Variants in LDLRAD3 observed in about 807,000 individuals in gnomAD.
The protein encoded by LDLRAD3 is low density lipoprotein receptor class A domain containing 3, also known as low-density lipoprotein receptor class A domain-containing protein 3.
In LDLRAD3, 20 loss-of-function variants were observed where a neutral mutation model predicts 29.4. The observed-to-expected ratio is 0.68, with a 90% CI of 0.48 to 0.99. The LOEUF (loss-of-function observed/expected upper bound fraction) is 0.99. Ranked by LOEUF, LDLRAD3 falls within the 50% of genes least tolerant of loss-of-function variation. The probability of loss-of-function intolerance (pLI) is 0.00; values close to 1 mark genes in which losing one functional copy is unlikely to be tolerated. For missense variants in LDLRAD3, 420 were observed against 454.3 expected, an observed-to-expected ratio of 0.92 and a Z score of 0.69; for synonymous variants, 157 against 192.7, an observed-to-expected ratio of 0.81 and a Z score of 1.53.
intron 4 of LDLRAD3, among the ~76,000 whole-genome samples, chr11:36,183,622 A>G (rs957466145): frequency 2.0e-5 from 3 of 152,182 alleles, no homozygotes; most frequent in Admixed American, 6.5e-5. Context: ...CTAATATTGC[A>G]TGTTCCTGGG....
chr11:36,172,790 T>G (rs1854615914), intron 4 of LDLRAD3, among the ~76,000 whole-genome samples: 1 of 152,208 alleles, frequency 6.6e-6, no homozygotes. Context: ...GTAATTTTAT[T>G]TTTTGGTTAT....
intron 4 of LDLRAD3, among the ~76,000 whole-genome samples, chr11:36,170,266 A>G (rs1284266619): frequency 1.3e-5 from 2 of 149,156 alleles, no homozygotes; most frequent in African/African-American, 2.5e-5. Flanking sequence ...ATACACATAT[A>G]TATACACATA....
intron 2 of LDLRAD3, among the ~76,000 whole-genome samples, chr11:36,057,620 C>T (rs372436400): frequency 1.8e-4 from 28 of 152,292 alleles, no homozygotes; most frequent in African/African-American, 6.0e-4. Flanking sequence ...ACTGCCTCTT[C>T]GTCTTCTCTC....
At chr11:36,126,011 C>G (rs984932399) in intron 4 of LDLRAD3, among the ~76,000 whole-genome samples, 10 of 152,170 alleles carry the variant, frequency 6.6e-5, no homozygotes, top group African/African-American at 2.4e-5. Context: ...CACTGTGGAA[C>G]CAGGAAGTCA....
At chr11:36,039,032 T>G (rs927174919) in intron 2 of LDLRAD3, among the ~76,000 whole-genome samples, 45 of 151,112 alleles carry the variant, frequency 3.0e-4, no homozygotes, top group South Asian at 4.2e-4. Context: ...TGCAGTGGCG[T>G]GATCTCGGCT....
At chr11:36,099,203 TG>T (rs1464482021) in intron 4 of LDLRAD3, among the ~76,000 whole-genome samples, 1 of 152,158 alleles carries the variant, frequency 6.6e-6, no homozygotes, top group Non-Finnish European at 1.5e-5. Flanking sequence ...AGCTGGAGGA[TG>T]GGAAGATGAG....
At chr11:36,216,221 T>G (rs1352921798) in intron 4 of LDLRAD3, among the ~76,000 whole-genome samples, 1 of 152,178 alleles carries the variant, frequency 6.6e-6, no homozygotes, top group African/African-American at 2.4e-5. Flanking sequence ...ACCCAGAGCT[T>G]CCTCCAACAG....
chr11:36,223,717 C>CA (rs1380774745), intron 4 of LDLRAD3, among the ~76,000 whole-genome samples: 2 of 149,312 alleles, frequency 1.3e-5, no homozygotes, highest in Non-Finnish European at 3.0e-5. Context: ...TACCTTGTCT[C>CA]AAAAAATACA....
intron 4 of LDLRAD3, among the ~76,000 whole-genome samples, chr11:36,165,539 T>TATCATTTTAAAAA (rs1854501043): frequency 6.6e-6 from 1 of 152,208 alleles, no homozygotes; most frequent in Admixed American, 6.5e-5. Context: ...CATAGGATAT[T>TATCATTTTAAAAA]ATCATTTTAA....
chr11:36,101,914 G>A (rs375119771), intron 4 of LDLRAD3: 30 of 276,612 alleles, frequency 1.1e-4, no homozygotes, highest in African/African-American at 8.0e-4. Context: ...TTGAGACGGA[G>A]TCTCACTCTT....
chr11:36,054,998 GAT>G (rs1852595455), intron 2 of LDLRAD3, among the ~76,000 whole-genome samples: 1 of 106,708 alleles, frequency 9.4e-6, no homozygotes. Context: ...TGGATGGATG[GAT>G]GCATGGATGG....
At chr11:36,178,706 C>T (rs947574959) in intron 4 of LDLRAD3, among the ~76,000 whole-genome samples, 4 of 152,218 alleles carry the variant, frequency 2.6e-5, no homozygotes, top group Non-Finnish European at 5.9e-5. Context: ...TCCATCTCCA[C>T]TTGCTAAAGT....
At chr11:36,215,006 A>ATT (rs1855332485) in intron 4 of LDLRAD3, among the ~76,000 whole-genome samples, 3 of 152,232 alleles carry the variant, frequency 2.0e-5, no homozygotes, top group Admixed American at 2.0e-4. Context: ...AATGACAGGC[A>ATT]GTAACAGTGC....
At chr11:36,108,997 C>G (rs1022122208) in intron 4 of LDLRAD3, among the ~76,000 whole-genome samples, 4 of 151,798 alleles carry the variant, frequency 2.6e-5, no homozygotes, top group Non-Finnish European at 5.9e-5. Flanking sequence ...AGGATTCTCA[C>G]TGAAGGCAGG....
intron 1 of LDLRAD3, among the ~76,000 whole-genome samples, chr11:35,969,624 C>T (rs1851387262): frequency 6.6e-6 from 1 of 152,188 alleles, no homozygotes; most frequent in Non-Finnish European, 1.5e-5. Context: ...GCTCAGGGTT[C>T]AGCCTCAGCA....
intron 2 of LDLRAD3, among the ~76,000 whole-genome samples, chr11:36,078,597 AG>A (rs1853056883): frequency 6.6e-6 from 1 of 152,158 alleles, no homozygotes; most frequent in Non-Finnish European, 1.5e-5. Context: ...TGTGGGAGTA[AG>A]GGGGGCCCAG....
chr11:36,094,108 G>C (rs11033416), intron 3 of LDLRAD3, among the ~76,000 whole-genome samples: 30,324 of 152,230 alleles, frequency 0.2, 3,506 homozygotes, highest in Admixed American at 0.3. Flanking sequence ...TCTTTGGCTT[G>C]GAGGTGGGGT....
At chr11:36,092,168 G>T (rs1280463991) in intron 3 of LDLRAD3, among the ~76,000 whole-genome samples, 1 of 152,192 alleles carries the variant, frequency 6.6e-6, no homozygotes, top group Non-Finnish European at 1.5e-5. Flanking sequence ...GTAGCACAGG[G>T]TCATTCTTAG....
intron 1 of LDLRAD3, among the ~76,000 whole-genome samples, chr11:35,956,196 C>T (rs79484377): frequency 0.02 from 3,077 of 152,080 alleles, 75 homozygotes; most frequent in South Asian, 0.065. Flanking sequence ...TTAAATTATT[C>T]GATAACAGAG....
Sources: gnomAD v4.1 joint callset for allele counts (sites outside exome capture counted in the v4.1 genomes callset) on GRCh38, gnomAD v4.1.1 for gene constraint, MANE v1.5 for transcripts, NCBI Gene and HGNC (gene_info 2026-07-23, HGNC 2026-07-21) for gene names.